CLSTN1: variants seen among roughly 807,000 people sequenced by gnomAD.
CLSTN1 encodes calsyntenin-1.
CLSTN1 carries 28 observed loss-of-function variants against 108.3 expected under a neutral mutation model. The observed-to-expected ratio is 0.26, with a 90% CI of 0.19 to 0.35. The LOEUF (loss-of-function observed/expected upper bound fraction) is 0.35. Ranked by LOEUF, CLSTN1 falls within the 10% of genes least tolerant of loss-of-function variation. The probability of loss-of-function intolerance (pLI) is 1.00; values close to 1 mark genes in which losing one functional copy is unlikely to be tolerated. For synonymous variants in CLSTN1, 524 were observed against 534.9 expected, an observed-to-expected ratio of 0.98 and a Z score of 0.28; for missense variants, 1,157 against 1,302.6, an observed-to-expected ratio of 0.89 and a Z score of 1.72.
intron 2 of CLSTN1, among the ~76,000 whole-genome samples, chr1:9,762,701 C>T (rs1168827514): frequency 1.4e-5 from 2 of 138,292 alleles, no homozygotes; most frequent in South Asian, 2.3e-4. Flanking sequence ...CACTTCTCCC[C>T]GCTGCACTCG....
intron 1 of CLSTN1, 99 bp from the exon 2 acceptor site, chr1:9,773,493 C>T (rs1652790522): frequency 7.7e-7 from 1 of 1,298,288 alleles, no homozygotes; most frequent in Non-Finnish European, 1.0e-6. Flanking sequence ...AATAATAAAA[C>T]TCTCATTAGG....
chr1:9,743,570 C>CG (rs1557694465), intron 9 of CLSTN1, among the ~76,000 whole-genome samples: 1 of 152,076 alleles, frequency 6.6e-6, no homozygotes. Context: ...TCTTTGGAGA[C>CG]GGGGTCTCAC....
chr1:9,731,666 C>T (rs923913606), intron 17 of CLSTN1, 95 bp downstream of exon 17: 21 of 1,256,040 alleles, frequency 1.7e-5, no homozygotes, highest in Middle Eastern at 2.4e-4. Flanking sequence ...GAAAGACCGG[C>T]GGTCATGCTG....
Position 9,730,584 on chromosome 1 carries a change from T to C in CLSTN1, c.2870A>G (p.Glu957Gly), listed in dbSNP as rs764551371. 3 of 1,604,866 alleles carry C rather than the reference T, an allele frequency of 1.9e-6. No homozygotes were observed. The highest frequency in any genetic ancestry group is 2.7e-5 in the African/African-American group (2 of 74,782). The part of the protein sequence containing the change: ...SAESESSEEE[E>G]GEQGDPQNAT... ...GTTCTGGGGGTCGCCCTGCTCCCCCTCCTCCTCCTCGCTGCTCTCCGACTC... is the reference window on the plus strand; with the variant it reads ...GTTCTGGGGGTCGCCCTGCTCCCCCCCCTCCTCCTCGCTGCTCTCCGACTC... Residue 957 changes from glutamate (E) to glycine (G), a missense_variant, in exon 19 of 19, where the codon GAG becomes GGG. By Grantham distance (98) the Glu-to-Gly change is moderately conservative. Coordinates refer to ENST00000377298, the MANE Select transcript of CLSTN1 (RefSeq NM_001009566.3). The surrounding 1 kb of genome is among the most constrained non-coding windows in gnomAD (Gnocchi z 5.6).
At chr1:9,782,969 C>G (rs1216275034) in intron 1 of CLSTN1, among the ~76,000 whole-genome samples, 2 of 152,148 alleles carry the variant, frequency 1.3e-5, no homozygotes, top group Non-Finnish European at 2.9e-5. Context: ...ATCGCGCCAT[C>G]GCACTCCAGC....
intron 1 of CLSTN1, among the ~76,000 whole-genome samples, chr1:9,811,081 T>A (rs779916328): frequency 4.6e-5 from 7 of 152,176 alleles, no homozygotes; most frequent in Non-Finnish European, 7.4e-5. Flanking sequence ...ACAAAGTTAA[T>A]AAACTTTACC....
intron 7 of CLSTN1, among the ~76,000 whole-genome samples, chr1:9,748,309 G>A (rs1198389144): frequency 6.6e-6 from 1 of 152,042 alleles, no homozygotes; most frequent in African/African-American, 2.4e-5. Flanking sequence ...AAAAATATCC[G>A]CAGCTGACAG....
rs368977689 is a variant in CLSTN1 at position 9,735,869 on chromosome 1, G to C, written c.1734+16C>G. 2 of 1,613,538 alleles carry C rather than the reference G, an allele frequency of 1.2e-6. No homozygotes were observed. The highest frequency in any genetic ancestry group is 1.3e-5 in the African/African-American group (1 of 74,880). ...AGGGGCCCATGAGTGGTGTGCAGTCGAGCGCTCGGTGTTACCTGCACGCCT... is the reference window on the plus strand; with the variant it reads ...AGGGGCCCATGAGTGGTGTGCAGTCCAGCGCTCGGTGTTACCTGCACGCCT... On this transcript the variant is annotated intron_variant, in intron 12 of 18. Transcript: ENST00000377298.
chr1:9,818,421 C>T (rs886330759), intron 1 of CLSTN1, among the ~76,000 whole-genome samples: 3 of 151,216 alleles, frequency 2.0e-5, no homozygotes, highest in East Asian at 1.9e-4. Flanking sequence ...CTCCGCCTCC[C>T]GAGTTCAAGC....
chr1:9,774,869 C>G (rs761782746), intron 1 of CLSTN1, among the ~76,000 whole-genome samples: 9 of 152,202 alleles, frequency 5.9e-5, no homozygotes, highest in Admixed American at 1.3e-4. Context: ...ACACGCTAAA[C>G]GAAGGGTGGA....
At position 9,735,131 on chromosome 1, in the gene CLSTN1, C is replaced by T; in HGVS notation, c.1927G>A (p.Gly643Ser). 1.2e-6 allele frequency: 2 copies of T among 1,614,206 alleles called. No homozygotes were observed. The highest frequency in any genetic ancestry group is 1.7e-6 in the Non-Finnish European group (2 of 1,180,030). The part of the protein sequence containing the change: ...ATCISVPPVD[G>S]YVMVLQPEEP... ...TCGGGCTGTAAAACCATCACGTAGC[C>T]ATCTACCGGGGGGACCGAAATGCAG... The change falls in exon 14 of 19, where the codon GGC becomes AGC. Residue 643 changes from glycine to serine, a missense_variant. Physicochemically the swap from Gly to Ser is moderately conservative, Grantham distance 56. Coordinates refer to ENST00000377298, the MANE Select transcript of CLSTN1 (RefSeq NM_001009566.3).
chr1:9,756,981 T>C (rs1651846330), intron 2 of CLSTN1, among the ~76,000 whole-genome samples: 1 of 151,760 alleles, frequency 6.6e-6, no homozygotes, highest in Non-Finnish European at 1.5e-5. Context: ...GGTATCACCA[T>C]GTTAGCCAGG....
At chr1:9,806,368 A>G (rs1654507523) in intron 1 of CLSTN1, among the ~76,000 whole-genome samples, 1 of 152,214 alleles carries the variant, frequency 6.6e-6, no homozygotes, top group Non-Finnish European at 1.5e-5. Flanking sequence ...TTTTGAGCAC[A>G]GGGGTCCTGA....
chr1:9,768,957 A>T (rs1345901436), intron 2 of CLSTN1, among the ~76,000 whole-genome samples: 42 of 95,572 alleles, frequency 4.4e-4, no homozygotes, highest in Non-Finnish European at 7.9e-4. Flanking sequence ...GGGAGGGAGG[A>T]AAAGGGGGAA....
Position 9,742,883 on chromosome 1 carries a change from G to T in CLSTN1, c.1356+1001C>A, listed in dbSNP as rs192291348. ...AGATCTCCACTGCACTCCAGCCTGG[G>T]CAACAAAGCGAGACTCAGTCTCGGG... On this transcript the variant is annotated intron_variant, in intron 9 of 18. Coordinates refer to ENST00000377298, the MANE Select transcript of CLSTN1 (RefSeq NM_001009566.3). Among the ~76,000 whole-genome samples the T allele has an allele frequency of 3.8e-3, 583 of 151,812 alleles. 2 individuals carry two copies. Among genetic ancestry groups the T allele is most frequent in the Admixed American group, 7.0e-3 (106 of 15,240 alleles).
At chr1:9,821,905 AGCC>A (rs1655203595) in intron 1 of CLSTN1, among the ~76,000 whole-genome samples, 1 of 152,222 alleles carries the variant, frequency 6.6e-6, no homozygotes, top group African/African-American at 2.4e-5. Flanking sequence ...TGACTCAACT[AGCC>A]AACACACCTT....
intron 1 of CLSTN1, among the ~76,000 whole-genome samples, chr1:9,796,451 T>C (rs1398162189): frequency 1.4e-5 from 2 of 146,530 alleles, no homozygotes; most frequent in African/African-American, 2.5e-5. Context: ...CCGAAGCGGG[T>C]GGATCACGAG....
intron 2 of CLSTN1, among the ~76,000 whole-genome samples, chr1:9,771,332 T>G (rs966397143): frequency 2.0e-5 from 3 of 151,952 alleles, no homozygotes; most frequent in Non-Finnish European, 4.4e-5. Context: ...ATACAAAAAT[T>G]AGGACGGGCA....
At chr1:9,795,390 T>C (rs1162038489) in intron 1 of CLSTN1, among the ~76,000 whole-genome samples, 1 of 151,162 alleles carries the variant, frequency 6.6e-6, no homozygotes, top group African/African-American at 2.4e-5. Flanking sequence ...GGTCTGAAAC[T>C]CCCAACCTCA....
Sources: gnomAD v4.1 joint callset for allele counts (sites outside exome capture counted in the v4.1 genomes callset) on GRCh38, gnomAD v4.1.1 for gene constraint, Gnocchi (gnomAD v3.1) non-coding constraint, MANE v1.5 for transcripts, NCBI Gene and HGNC (gene_info 2026-07-23, HGNC 2026-07-21) for gene names.